Variants in MOB3B observed in about 807,000 individuals in gnomAD.
MOB3B encodes MOB kinase activator-like 2B.
A neutral mutation model predicts 18.7 loss-of-function variants in MOB3B; 7 were observed. The ratio of observed to expected loss-of-function variants is 0.37; its 90% CI spans 0.21 to 0.70. The LOEUF is 0.70. Ranked by LOEUF, MOB3B falls within the 30% of genes least tolerant of loss-of-function variation. The pLI is 0.52. For missense variants in MOB3B, 253 were observed against 281.3 expected (o/e 0.90, Z 0.72); for synonymous variants, 111 against 99.9 (o/e 1.11, Z -0.66).
At position 27,515,924 on chromosome 9, in the gene MOB3B, T is replaced by C. The variant is rs1262349227; in HGVS notation, c.-199+13631A>G. 2.6e-5 allele frequency among the ~76,000 whole-genome samples: 4 copies of C among 152,160 alleles called. No homozygotes were observed. The East Asian group carries it at 7.7e-4, about 29-fold the overall frequency. On this transcript the variant is annotated intron_variant, in intron 1 of 3. Coordinates refer to ENST00000262244, the MANE Select transcript of MOB3B (RefSeq NM_024761.5). The stretch of plus-strand genomic sequence containing the variant: ...AAAAGACTTTGCAAATGTAATCAAA[T>C]TAAGAAGATGTCATACTGGATTAGG...
chr9:27,409,946 T>C (rs1822039402), intron 2 of MOB3B, among the ~76,000 whole-genome samples: 1 of 152,032 alleles, frequency 6.6e-6, no homozygotes, highest in Non-Finnish European at 1.5e-5. Flanking sequence ...TGAAGAGTCA[T>C]TATTTAATGT....
intron 3 of MOB3B, among the ~76,000 whole-genome samples, chr9:27,350,973 G>A (rs1313574406): frequency 6.6e-6 from 1 of 151,292 alleles, no homozygotes; most frequent in Non-Finnish European, 1.5e-5. Context: ...CACGATCTCG[G>A]CTCACTGCAA....
intron 2 of MOB3B, among the ~76,000 whole-genome samples, chr9:27,401,492 C>T (rs1352624514): frequency 2.0e-5 from 3 of 152,148 alleles, no homozygotes; most frequent in Admixed American, 6.5e-5. Flanking sequence ...CAAAGGCACC[C>T]TCATCTGGGT....
At chr9:27,438,604 C>G (rs1822547561) in intron 2 of MOB3B, among the ~76,000 whole-genome samples, 2 of 152,172 alleles carry the variant, frequency 1.3e-5, no homozygotes, top group Non-Finnish European at 2.9e-5. Flanking sequence ...TGTGAAAAAC[C>G]TGAGCTCCAG....
intron 2 of MOB3B, among the ~76,000 whole-genome samples, chr9:27,453,111 C>G (rs1822814616): frequency 6.6e-6 from 1 of 151,968 alleles, no homozygotes; most frequent in Non-Finnish European, 1.5e-5. Flanking sequence ...AAAAGTTTGA[C>G]AACTGTAATA....
chr9:27,469,786 T>C (rs147424160), intron 1 of MOB3B, among the ~76,000 whole-genome samples: 7 of 152,058 alleles, frequency 4.6e-5, no homozygotes, highest in African/African-American at 7.2e-5. Context: ...CCTTCAAAAC[T>C]TCCCCCCTCC....
At chr9:27,468,559 C>A (rs566551268) in intron 1 of MOB3B, among the ~76,000 whole-genome samples, 1 of 152,140 alleles carries the variant, frequency 6.6e-6, no homozygotes, top group Non-Finnish European at 1.5e-5. Context: ...ATCTCTGATG[C>A]GAATGCCCCA....
At chr9:27,456,212 T>C (rs1486584931) in intron 1 of MOB3B, among the ~76,000 whole-genome samples, 1 of 152,168 alleles carries the variant, frequency 6.6e-6, no homozygotes, top group East Asian at 1.9e-4. Flanking sequence ...ATGTCTCTCC[T>C]GGGAATTTGG....
At chr9:27,344,414 C>T (rs1821001326) in intron 3 of MOB3B, among the ~76,000 whole-genome samples, 1 of 152,220 alleles carries the variant, frequency 6.6e-6, no homozygotes, top group African/African-American at 2.4e-5. Context: ...ATGCCAAGTA[C>T]CGTTGCACTA....
intron 2 of MOB3B, among the ~76,000 whole-genome samples, chr9:27,387,747 T>C (rs1173343892): frequency 2.0e-5 from 3 of 152,144 alleles, no homozygotes; most frequent in Non-Finnish European, 4.4e-5. Flanking sequence ...CCTTGACCAC[T>C]GACCTGGATT....
At chr9:27,367,691 C>T (rs556229516) in intron 2 of MOB3B, among the ~76,000 whole-genome samples, 356 of 152,272 alleles carry the variant, frequency 2.3e-3, no homozygotes, top group South Asian at 6.4e-3. Context: ...GCTAGGAAGA[C>T]GGCTCTTCTG....
chr9:27,338,518 T>A (rs968374360), intron 3 of MOB3B, among the ~76,000 whole-genome samples: 7 of 152,002 alleles, frequency 4.6e-5, no homozygotes, highest in Middle Eastern at 6.3e-3. Context: ...ATGAAAAACA[T>A]CAGGCTGCTT....
At chr9:27,378,433 A>G (rs1333019884) in intron 2 of MOB3B, 1 of 471,466 alleles carries the variant, frequency 2.1e-6, no homozygotes, top group South Asian at 1.5e-5. Flanking sequence ...GATCCCATCT[A>G]GTTCCCTCAA....
At chr9:27,467,687 A>G (rs1587237212) in intron 1 of MOB3B, among the ~76,000 whole-genome samples, 1 of 152,244 alleles carries the variant, frequency 6.6e-6, no homozygotes, top group Non-Finnish European at 1.5e-5. Flanking sequence ...CAAACCGCAC[A>G]TGCTCAGCTG....
intron 2 of MOB3B, among the ~76,000 whole-genome samples, chr9:27,449,652 T>C (rs555514058): frequency 1.3e-5 from 2 of 152,172 alleles, no homozygotes; most frequent in Admixed American, 6.5e-5. Context: ...TCTATCAAAA[T>C]AAAAACCATG....
At chr9:27,393,508 T>C (rs1265467156) in intron 2 of MOB3B, among the ~76,000 whole-genome samples, 1 of 152,052 alleles carries the variant, frequency 6.6e-6, no homozygotes, top group Non-Finnish European at 1.5e-5. Context: ...GATGTCCCAT[T>C]GCTAATTGTG....
At chr9:27,472,029 C>A (rs1035228333) in intron 1 of MOB3B, among the ~76,000 whole-genome samples, 2 of 151,926 alleles carry the variant, frequency 1.3e-5, no homozygotes, top group Non-Finnish European at 1.5e-5. Flanking sequence ...AATGTGTAGA[C>A]TTGTCAAAAA....
At chr9:27,364,402 C>T (rs1184561712) in intron 2 of MOB3B, among the ~76,000 whole-genome samples, 1 of 152,172 alleles carries the variant, frequency 6.6e-6, no homozygotes, top group Non-Finnish European at 1.5e-5. Context: ...AGAGAGGATT[C>T]TGAGACCAAA....
intron 3 of MOB3B, among the ~76,000 whole-genome samples, chr9:27,341,259 G>T (rs1036254315): frequency 6.6e-6 from 1 of 152,168 alleles, no homozygotes; most frequent in African/African-American, 2.4e-5. Context: ...CTGAACAAAC[G>T]GTTTGTCCTT....
Sources: allele counts gnomAD v4.1 joint callset (sites outside exome capture counted in the v4.1 genomes callset), GRCh38; gene constraint gnomAD v4.1.1; transcripts MANE v1.5; gene names NCBI Gene and HGNC (gene_info 2026-07-23, HGNC 2026-07-21).